COL19A1: variants seen among roughly 807,000 people sequenced by gnomAD.
COL19A1 encodes the protein collagen type XIX alpha 1 chain, also known as collagen alpha-1(XIX) chain.
A neutral mutation model predicts 190.2 loss-of-function variants in COL19A1; 159 were observed. The observed-to-expected ratio is 0.84, with a 90% CI of 0.73 to 0.95. COL19A1 has a LOEUF of 0.95. Ranked by LOEUF, COL19A1 falls within the 40% of genes least tolerant of loss-of-function variation. The pLI is 0.00. For synonymous variants in COL19A1, 509 were observed against 458.9 expected, an observed-to-expected ratio of 1.11 and a Z score of -1.39; for missense variants, 1,418 against 1,431.9, an observed-to-expected ratio of 0.99 and a Z score of 0.16.
intron 14 of COL19A1, among the ~76,000 whole-genome samples, chr6:70,067,154 A>G (rs1306986443): frequency 6.6e-6 from 1 of 152,162 alleles, no homozygotes; most frequent in Non-Finnish European, 1.5e-5. Flanking sequence ...CATTGTCTCC[A>G]AGTGGTACAT....
chr6:70,044,947 C>A (rs952864852), intron 14 of COL19A1, among the ~76,000 whole-genome samples: 1 of 152,186 alleles, frequency 6.6e-6, no homozygotes, highest in Non-Finnish European at 1.5e-5. Context: ...TATTTCTCTG[C>A]TGTTATTTCC....
chr6:70,107,116 C>T (rs986234250), intron 16 of COL19A1, among the ~76,000 whole-genome samples: 1 of 152,138 alleles, frequency 6.6e-6, no homozygotes, highest in African/African-American at 2.4e-5. Flanking sequence ...CCCAAGATGA[C>T]ACAAGCAGTG....
chr6:70,073,312 G>T (rs964379861), intron 15 of COL19A1, among the ~76,000 whole-genome samples: 3 of 152,096 alleles, frequency 2.0e-5, no homozygotes, highest in Non-Finnish European at 4.4e-5. Flanking sequence ...TTAAATCCCA[G>T]CTTTACTGCT....
rs983964603 is a variant in COL19A1 at position 70,201,978 on chromosome 6, A to C, written c.3223+2242A>C. Among the ~76,000 whole-genome samples the C allele has an allele frequency of 3.7e-4, 56 of 152,248 alleles. 1 individual carries two copies. Among genetic ancestry groups the C allele is most frequent in the Non-Finnish European group, 2.9e-5 (2 of 68,038 alleles). Reference sequence around the variant, plus strand: ...AGATGAAGTTATACATGTAACTTATAAGCTTTGCTCTGCTCAATTTAAGTG... The same window carrying C: ...AGATGAAGTTATACATGTAACTTATCAGCTTTGCTCTGCTCAATTTAAGTG... On this transcript the variant is annotated intron_variant, in intron 49 of 50. Transcript: ENST00000620364.
At chr6:69,934,147 G>A (rs1038001387) in intron 7 of COL19A1, among the ~76,000 whole-genome samples, 1 of 151,950 alleles carries the variant, frequency 6.6e-6, no homozygotes, top group African/African-American at 2.4e-5. Context: ...GCATAGCTAA[G>A]TCTTTCAAGT....
At chr6:70,195,846 C>T (rs1046535247) in intron 48 of COL19A1, among the ~76,000 whole-genome samples, 2 of 152,176 alleles carry the variant, frequency 1.3e-5, no homozygotes, top group Non-Finnish European at 2.9e-5. Flanking sequence ...ATGTATCACT[C>T]AACCGTCTGG....
At chr6:70,084,217 G>A (rs190849161) in intron 15 of COL19A1, among the ~76,000 whole-genome samples, 43 of 152,218 alleles carry the variant, frequency 2.8e-4, no homozygotes, top group Admixed American at 7.2e-4. Context: ...GATAATCCAG[G>A]TAACGGTTGG....
intron 1 of COL19A1, among the ~76,000 whole-genome samples, chr6:69,878,289 C>G (rs1319953948): frequency 6.6e-6 from 1 of 151,910 alleles, no homozygotes; most frequent in Non-Finnish European, 1.5e-5. Context: ...TCTCAGCTCA[C>G]TGCAACCTCC....
rs376126463 is a variant in COL19A1, at chr6:70,149,915, T to G, written c.1983+11T>G. 16 of 1,613,820 alleles carry G rather than the reference T, an allele frequency of 9.9e-6. No individual in the cohort carries two copies. The African/African-American group carries it at 2.1e-4, about 22-fold the overall frequency. On this transcript the variant is annotated intron_variant, in intron 29 of 50. Coordinates refer to ENST00000620364, the MANE Select transcript of COL19A1 (RefSeq NM_001858.6). ...ACTCCAGGGAATGATGTAAGGACTTTCTTTATCTACCCTCCCCCATTTTAA... is the reference window on the plus strand; with the variant it reads ...ACTCCAGGGAATGATGTAAGGACTTGCTTTATCTACCCTCCCCCATTTTAA...
chr6:69,970,045 A>G (rs923687711), intron 11 of COL19A1, among the ~76,000 whole-genome samples: 25 of 152,344 alleles, frequency 1.6e-4, no homozygotes, highest in African/African-American at 5.8e-4. Context: ...CCCAGCCTAG[A>G]TTCAAGGAGT....
At chr6:69,950,019 T>C (rs186176136) in intron 9 of COL19A1, among the ~76,000 whole-genome samples, 7 of 151,994 alleles carry the variant, frequency 4.6e-5, no homozygotes, top group Admixed American at 4.6e-4. Context: ...CTGAGCAGTA[T>C]GAAGTATTAA....
intron 34 of COL19A1, among the ~76,000 whole-genome samples, chr6:70,161,438 G>C (rs1787796670): frequency 6.6e-6 from 1 of 152,146 alleles, no homozygotes; most frequent in African/African-American, 2.4e-5. Flanking sequence ...CAGATTCCAT[G>C]TCATGGCATT....
intron 11 of COL19A1, among the ~76,000 whole-genome samples, chr6:69,999,420 A>C (rs1777114346): frequency 6.6e-6 from 1 of 152,052 alleles, no homozygotes; most frequent in South Asian, 2.1e-4. Context: ...TGTGGTCCCA[A>C]CTACTTGGAA....
intron 11 of COL19A1, among the ~76,000 whole-genome samples, chr6:69,963,897 A>G (rs1582542306): frequency 6.6e-6 from 1 of 152,380 alleles, no homozygotes; most frequent in African/African-American, 2.4e-5. Context: ...TTGAAAGTAC[A>G]GAGAATAGAA....
chr6:70,099,227 TC>T (rs1468470332), intron 15 of COL19A1, among the ~76,000 whole-genome samples: 1 of 152,030 alleles, frequency 6.6e-6, no homozygotes, highest in African/African-American at 2.4e-5. Flanking sequence ...CAAGAGTTTT[TC>T]CTAAGGTGAA....
intron 11 of COL19A1, among the ~76,000 whole-genome samples, chr6:69,982,064 T>C (rs939369807): frequency 2.6e-5 from 4 of 152,004 alleles, no homozygotes; most frequent in African/African-American, 4.8e-5. Context: ...GCAATGACAA[T>C]GTGAGGATCA....
intron 3 of COL19A1, 73 bp downstream of exon 3, chr6:69,899,095 T>G: frequency 2.1e-6 from 2 of 931,460 alleles, no homozygotes; most frequent in Non-Finnish European, 3.5e-6. Context: ...TGGAATACAT[T>G]ATAGGTGAAT....
At chr6:70,066,634 T>C (rs980491225) in intron 14 of COL19A1, among the ~76,000 whole-genome samples, 1 of 151,780 alleles carries the variant, frequency 6.6e-6, no homozygotes, top group African/African-American at 2.4e-5. Context: ...TTAGTTTATA[T>C]GAAAAAAATT....
chr6:69,931,281 A>T lies in COL19A1; in HGVS notation c.667-1502A>T, dbSNP rs576933045. On this transcript the variant is annotated intron_variant, in intron 6 of 50. Transcript: ENST00000620364. ...ACTCAGCATTTTGACAAGCATCAGTACAGATTTAGCCTTAAGCATTCTCCT... is the reference window on the plus strand; with the variant it reads ...ACTCAGCATTTTGACAAGCATCAGTTCAGATTTAGCCTTAAGCATTCTCCT... Among the ~76,000 whole-genome samples, 7 of 152,318 alleles carry T rather than the reference A, an allele frequency of 4.6e-5. 1 individual carries two copies. The East Asian group carries it at 1.2e-3, about 25-fold the overall frequency.
Sources: allele counts gnomAD v4.1 joint callset (sites outside exome capture counted in the v4.1 genomes callset), GRCh38; gene constraint gnomAD v4.1.1; transcripts MANE v1.5; gene names NCBI Gene and HGNC (gene_info 2026-07-23, HGNC 2026-07-21).